The following GLT1D1 variants were observed in gnomAD, a reference collection of about 807,000 sequenced individuals.
The protein encoded by GLT1D1 is glycosyltransferase 1 domain containing 1.
In GLT1D1, 21 loss-of-function variants were observed where a neutral mutation model predicts 28.7. The observed-to-expected ratio is 0.73, with a 90% CI of 0.52 to 1.05. The LOEUF (loss-of-function observed/expected upper bound fraction) is 1.05, where lower values mean the gene tolerates loss of function less well. Among genes scored for constraint, GLT1D1 ranks in the 50% least tolerant of loss-of-function variants. GLT1D1 has a pLI of 0.00. For missense variants in GLT1D1, 343 were observed against 330.6 expected (o/e 1.04, Z -0.29); for synonymous variants, 147 against 124.8 (o/e 1.18, Z -1.19).
intron 4 of GLT1D1, among the ~76,000 whole-genome samples, chr12:128,942,669 A>G (rs1875426409): frequency 6.6e-6 from 1 of 151,422 alleles, no homozygotes; most frequent in South Asian, 2.1e-4. Flanking sequence ...CTCCCAGACC[A>G]CACAGCACAT....
At chr12:128,865,130 G>A (rs1034935700) in intron 1 of GLT1D1, among the ~76,000 whole-genome samples, 8 of 152,090 alleles carry the variant, frequency 5.3e-5, no homozygotes, top group Admixed American at 6.6e-5. Flanking sequence ...AACACACGCC[G>A]AGGCTTCTGC....
chr12:128,874,962 T>A (rs1195977702), intron 1 of GLT1D1, among the ~76,000 whole-genome samples: 1 of 152,182 alleles, frequency 6.6e-6, no homozygotes, highest in Non-Finnish European at 1.5e-5. Flanking sequence ...AAAAATTTCT[T>A]TTTTGTTTAT....
intron 4 of GLT1D1, among the ~76,000 whole-genome samples, chr12:128,940,354 C>A (rs950203052): frequency 3.9e-5 from 6 of 152,126 alleles, no homozygotes; most frequent in Admixed American, 3.9e-4. Context: ...ACAGGCTCAG[C>A]GCTTCATGTC....
intron 2 of GLT1D1, among the ~76,000 whole-genome samples, chr12:128,880,935 T>C (rs991062879): frequency 5.9e-5 from 9 of 152,082 alleles, no homozygotes; most frequent in African/African-American, 1.7e-4. Context: ...TAAAAAATAT[T>C]TGTAGTCGGC....
At chr12:128,927,130 G>A (rs1336275431) in intron 4 of GLT1D1, 1 of 1,535,796 alleles carries the variant, frequency 6.5e-7, no homozygotes, top group East Asian at 2.4e-5. Context: ...AGCCCAATGT[G>A]CACCTGGTGA....
At chr12:128,944,625 G>A in intron 4 of GLT1D1, 1 of 737,426 alleles carries the variant, frequency 1.4e-6, no homozygotes, top group South Asian at 1.4e-5. Context: ...TAATCACTGT[G>A]TCGGTCTGAT....
intron 2 of GLT1D1, among the ~76,000 whole-genome samples, chr12:128,885,070 A>C (rs1957146508): frequency 6.6e-6 from 1 of 151,756 alleles, no homozygotes; most frequent in African/African-American, 2.4e-5. Flanking sequence ...AGCTTGATTT[A>C]GCTATTCCAC....
intron 1 of GLT1D1, among the ~76,000 whole-genome samples, chr12:128,869,401 C>T (rs142548938): frequency 1.5e-4 from 23 of 152,114 alleles, no homozygotes; most frequent in African/African-American, 5.6e-4. Flanking sequence ...AACTCCTGGG[C>T]TCAACCCATT....
chr12:128,858,136 T>C (rs1956269151), intron 1 of GLT1D1, among the ~76,000 whole-genome samples: 1 of 152,176 alleles, frequency 6.6e-6, no homozygotes, highest in Non-Finnish European at 1.5e-5. Flanking sequence ...TAAGCTCTGA[T>C]TTTTTTATCT....
intron 2 of GLT1D1, among the ~76,000 whole-genome samples, chr12:128,884,064 G>A (rs926127955): frequency 1.3e-5 from 2 of 152,268 alleles, no homozygotes; most frequent in South Asian, 2.1e-4. Flanking sequence ...CCACTTCTGG[G>A]TATATGTGCA....
At chr12:128,969,044 T>C (rs895405892) in intron 7 of GLT1D1, among the ~76,000 whole-genome samples, 43 of 151,934 alleles carry the variant, frequency 2.8e-4, no homozygotes, top group Admixed American at 2.1e-3. Flanking sequence ...CCCTCTGTCT[T>C]TTTCTGTCTC....
At chr12:128,882,951 G>T (rs943130245) in intron 2 of GLT1D1, among the ~76,000 whole-genome samples, 2 of 150,818 alleles carry the variant, frequency 1.3e-5, no homozygotes, top group Admixed American at 6.6e-5. Context: ...TTTTGAGACG[G>T]AGTCTCACTC....
intron 6 of GLT1D1, among the ~76,000 whole-genome samples, chr12:128,956,124 C>A (rs1302507659): frequency 3.7e-5 from 4 of 109,346 alleles, no homozygotes; most frequent in African/African-American, 7.4e-5. Flanking sequence ...GCGCCACTGC[C>A]CTCCAGCTTG....
intron 7 of GLT1D1, among the ~76,000 whole-genome samples, chr12:128,971,107 ATCAT>A (rs1216413974): frequency 1.3e-5 from 2 of 152,124 alleles, no homozygotes; most frequent in Non-Finnish European, 2.9e-5. Context: ...ATCCCGCCCA[ATCAT>A]TGGCACCTGT....
chr12:128,936,249 G>A (rs1156287178), intron 4 of GLT1D1, among the ~76,000 whole-genome samples: 2 of 151,446 alleles, frequency 1.3e-5, no homozygotes, highest in African/African-American at 2.4e-5. Flanking sequence ...CCGCCTCCCG[G>A]GTTCACGCCA....
At position 128,941,910 on chromosome 12, in the gene GLT1D1, T is replaced by C. The variant is rs879742521; in HGVS notation, c.376-3416T>C. On this transcript the variant is annotated intron_variant, in intron 4 of 7. Coordinates refer to ENST00000281703, the MANE Select transcript of GLT1D1 (RefSeq NM_144669.3). ...CCTGGTCTCTCTCTCTCTCTCTTTTTTTTTTTTTTTTTTTTTTTTACTATT... is the reference window on the plus strand; with the variant it reads ...CCTGGTCTCTCTCTCTCTCTCTTTTCTTTTTTTTTTTTTTTTTTTACTATT... Among the ~76,000 whole-genome samples, 813 of 139,404 alleles carry C rather than the reference T, an allele frequency of 5.8e-3. 8 individuals carry two copies. The highest frequency in any genetic ancestry group is 0.022 in the African/African-American group (730 of 33,924). The allele number at this position is 139,404 out of a possible 152,430, so 91.5% of individuals were successfully genotyped here.
chr12:128,955,714 A>G (rs1303765175), intron 6 of GLT1D1, among the ~76,000 whole-genome samples: 4 of 152,002 alleles, frequency 2.6e-5, no homozygotes, highest in Admixed American at 6.6e-5. Context: ...TTTACATCCT[A>G]TTTCCAGCTG....
intron 1 of GLT1D1, 69 bp from the exon 2 acceptor site, chr12:128,875,845 G>A: frequency 3.8e-6 from 5 of 1,322,054 alleles, no homozygotes; most frequent in Non-Finnish European, 5.2e-6. Flanking sequence ...AGTCTTAACT[G>A]TAGCAGCAAC....
At chr12:128,908,396 C>T (rs866560559) in intron 4 of GLT1D1, among the ~76,000 whole-genome samples, 8 of 126,110 alleles carry the variant, frequency 6.3e-5, no homozygotes, top group Non-Finnish European at 1.2e-4. Flanking sequence ...TTCTTTCTCT[C>T]TCTCTCTCTT....
Sources: allele counts gnomAD v4.1 joint callset (sites outside exome capture counted in the v4.1 genomes callset), GRCh38; gene constraint gnomAD v4.1.1; transcripts MANE v1.5; gene names NCBI Gene and HGNC (gene_info 2026-07-23, HGNC 2026-07-21).